The following PRKCA variants were observed in gnomAD, a reference collection of about 807,000 sequenced individuals.
The protein encoded by PRKCA is protein kinase C alpha.
In PRKCA, 27 loss-of-function variants were observed where a neutral mutation model predicts 87.0. That is an observed-to-expected ratio of 0.31 (90% CI 0.23 to 0.43). PRKCA has a LOEUF of 0.43. Among genes scored for constraint, PRKCA ranks in the 20% least tolerant of loss-of-function variants. The probability of loss-of-function intolerance (pLI) is 1.00; values close to 1 mark genes in which losing one functional copy is unlikely to be tolerated. For missense variants in PRKCA, 518 were observed against 852.3 expected (o/e 0.61, Z 4.88); for synonymous variants, 329 against 311.1 (o/e 1.06, Z -0.61).
intron 1 of PRKCA, 129 bp downstream of exon 1, chr17:66,303,153 T>C: frequency 7.8e-7 from 1 of 1,279,830 alleles, no homozygotes; most frequent in Non-Finnish European, 1.1e-6. Context: ...GTCCGAACTC[T>C]TCGCCCGGAG....
chr17:66,385,314 A>T (rs1030897768), intron 2 of PRKCA, among the ~76,000 whole-genome samples: 1 of 152,244 alleles, frequency 6.6e-6, no homozygotes, highest in Non-Finnish European at 1.5e-5. Context: ...TGTATGTGCT[A>T]TAGAAGGAAT....
chr17:66,638,321 G>A (rs1971199896), intron 3 of PRKCA: 2 of 152,078 alleles, frequency 1.3e-5, no homozygotes, highest in South Asian at 4.1e-4. Context: ...ACAGAGATGA[G>A]CGTTGTTCCT....
chr17:66,459,953 G>A (rs560195800), intron 2 of PRKCA, among the ~76,000 whole-genome samples: 6 of 152,296 alleles, frequency 3.9e-5, no homozygotes, highest in Admixed American at 1.3e-4. Flanking sequence ...TAATCCATCC[G>A]CAGTCTCGAA....
intron 3 of PRKCA, among the ~76,000 whole-genome samples, chr17:66,603,807 T>C (rs1015387461): frequency 6.6e-6 from 1 of 152,164 alleles, no homozygotes; most frequent in Admixed American, 6.5e-5. Context: ...CATTCTACCT[T>C]CTGTCTCTAT....
At chr17:66,443,296 C>G (rs950939969) in intron 2 of PRKCA, among the ~76,000 whole-genome samples, 6 of 151,986 alleles carry the variant, frequency 3.9e-5, no homozygotes, top group Non-Finnish European at 8.8e-5. Flanking sequence ...TAACTGGAGG[C>G]TAGAAAATAA....
intron 14 of PRKCA, among the ~76,000 whole-genome samples, chr17:66,784,961 C>T (rs1160728099): frequency 6.6e-6 from 1 of 152,264 alleles, no homozygotes; most frequent in Non-Finnish European, 1.5e-5. Flanking sequence ...TTCTGAGTCC[C>T]TCACAGGCAG....
chr17:66,439,121 T>G (rs1913573717), intron 2 of PRKCA, among the ~76,000 whole-genome samples: 1 of 152,156 alleles, frequency 6.6e-6, no homozygotes, highest in African/African-American at 2.4e-5. Context: ...CTTGTTTAAT[T>G]TCATTCAACC....
At position 66,441,117 on chromosome 17, in the gene PRKCA, G is replaced by A. The variant is rs1036511069; in HGVS notation, c.206-55084G>A. ...ACGGATGTTGCATTGAGCCCAGATCGCGGCACTGCACTCCAGCCTGGGAGA... is the reference window on the plus strand; with the variant it reads ...ACGGATGTTGCATTGAGCCCAGATCACGGCACTGCACTCCAGCCTGGGAGA... On this transcript the variant is annotated intron_variant, in intron 2 of 16. Coordinates refer to ENST00000413366, the MANE Select transcript of PRKCA (RefSeq NM_002737.3). 8.8e-5 allele frequency among the ~76,000 whole-genome samples: 13 copies of A among 148,200 alleles called. No homozygotes were observed. In the East Asian group the frequency reaches 1.2e-3, roughly 13 times the overall value.
At chr17:66,474,516 C>G (rs1319762884) in intron 2 of PRKCA, among the ~76,000 whole-genome samples, 1 of 152,116 alleles carries the variant, frequency 6.6e-6, no homozygotes, top group Admixed American at 6.5e-5. Flanking sequence ...GCTTAGGGCT[C>G]CAGAAGAGTT....
chr17:66,453,837 T>G (rs1265316376), intron 2 of PRKCA, among the ~76,000 whole-genome samples: 1 of 152,224 alleles, frequency 6.6e-6, no homozygotes, highest in Non-Finnish European at 1.5e-5. Flanking sequence ...GTGTGACCAT[T>G]TAGCTTACAT....
chr17:66,730,381 AAG>A (rs1325421165), intron 8 of PRKCA, among the ~76,000 whole-genome samples: 1 of 152,194 alleles, frequency 6.6e-6, no homozygotes, highest in Non-Finnish European at 1.5e-5. Flanking sequence ...GTAAAGGAAT[AAG>A]AGGGTGGCTA....
chr17:66,343,458 G>T (rs1376208303), intron 2 of PRKCA, among the ~76,000 whole-genome samples: 1 of 152,154 alleles, frequency 6.6e-6, no homozygotes, highest in Non-Finnish European at 1.5e-5. Context: ...TTCATGGAAA[G>T]CTATTGAAGT....
intron 3 of PRKCA, among the ~76,000 whole-genome samples, chr17:66,543,040 A>G (rs1015065226): frequency 3.3e-5 from 5 of 152,206 alleles, no homozygotes; most frequent in African/African-American, 4.8e-5. Context: ...TTTTCACTCA[A>G]TTTCCAAAGC....
At chr17:66,561,566 TAG>T (rs1169954420) in intron 3 of PRKCA, among the ~76,000 whole-genome samples, 1 of 152,214 alleles carries the variant, frequency 6.6e-6, no homozygotes, top group Non-Finnish European at 1.5e-5. Context: ...CTTCTGGATA[TAG>T]ACCCAGAAGA....
chr17:66,651,517 A>G (rs565530149), intron 5 of PRKCA, among the ~76,000 whole-genome samples: 83 of 152,300 alleles, frequency 5.4e-4, no homozygotes, highest in African/African-American at 1.9e-3. Flanking sequence ...TTGCACAGGT[A>G]CCTTTTGCAG....
Position 66,688,510 on chromosome 17 carries a change from A to G in PRKCA, c.821+74A>G, listed in dbSNP as rs139411805. ...AGACAGTTAGGTTTCAGTCTCTCAA[A>G]TGTCAGTTGAGGCTGGACATGGTGC... On this transcript the variant is annotated intron_variant, in intron 7 of 16. Transcript: ENST00000413366. The G allele has an allele frequency of 1.5e-5, 23 of 1,572,300 alleles. No individual in the cohort carries two copies. The East Asian group carries it at 3.2e-4, about 22-fold the overall frequency.
intron 3 of PRKCA, among the ~76,000 whole-genome samples, chr17:66,592,453 C>T (rs535237477): frequency 2.0e-5 from 3 of 151,510 alleles, no homozygotes; most frequent in South Asian, 4.2e-4. Context: ...GAAGCAAAGA[C>T]ATAAGCCTGG....
At chr17:66,462,673 C>T (rs1339041010) in intron 2 of PRKCA, among the ~76,000 whole-genome samples, 1 of 152,100 alleles carries the variant, frequency 6.6e-6, no homozygotes, top group African/African-American at 2.4e-5. Context: ...AGGTCTTCCC[C>T]ACCAATGGTG....
At chr17:66,764,607 T>A (rs1057413907) in intron 13 of PRKCA, among the ~76,000 whole-genome samples, 6 of 152,354 alleles carry the variant, frequency 3.9e-5, no homozygotes, top group African/African-American at 1.4e-4. Context: ...ATGATCTAAA[T>A]GACAAATAGC....
Sources: gnomAD v4.1 joint callset for allele counts (sites outside exome capture counted in the v4.1 genomes callset) on GRCh38, gnomAD v4.1.1 for gene constraint, MANE v1.5 for transcripts, NCBI Gene and HGNC (gene_info 2026-07-23, HGNC 2026-07-21) for gene names.